The following PTPRD variants were observed in gnomAD, a reference collection of about 807,000 sequenced individuals.
PTPRD encodes the protein protein tyrosine phosphatase receptor type D.
A neutral mutation model predicts 214.5 loss-of-function variants in PTPRD; 34 were observed. That is an observed-to-expected ratio of 0.16 (90% confidence interval 0.12 to 0.21). PTPRD has a LOEUF of 0.21. PTPRD is among the 10% of genes least tolerant of loss of function. The pLI is 1.00. For synonymous variants in PTPRD, 1,128 were observed against 845.7 expected (o/e 1.33, Z -5.79); for missense variants, 2,545 against 2,398.7 (o/e 1.06, Z -1.27).
Position 8,887,702 on chromosome 9 carries a change from C to T in PTPRD, c.-104+130995G>A, listed in dbSNP as rs189059320. Among the ~76,000 whole-genome samples, 6 of 151,700 alleles carry T rather than the reference C, an allele frequency of 4.0e-5. 1 individual carries two copies. The East Asian group carries it at 1.2e-3, about 30-fold the overall frequency. ...GATGAGATTTTTACTTCAAAGGAAGCAGTAATGAAATCTACACTTGCAGAA... is the reference window on the plus strand; with the variant it reads ...GATGAGATTTTTACTTCAAAGGAAGTAGTAATGAAATCTACACTTGCAGAA... On this transcript the variant is annotated intron_variant, in intron 11 of 45. Transcript: ENST00000381196.
chr9:9,788,413 A>C (rs966943592), intron 5 of PTPRD, among the ~76,000 whole-genome samples: 2 of 151,524 alleles, frequency 1.3e-5, no homozygotes, highest in African/African-American at 4.8e-5. Flanking sequence ...TTACCCGGGC[A>C]TGGTGGCAGG....
chr9:10,493,981 T>A (rs145535420), intron 2 of PTPRD, among the ~76,000 whole-genome samples: 1 of 151,944 alleles, frequency 6.6e-6, no homozygotes, highest in Non-Finnish European at 1.5e-5. Flanking sequence ...GTATTCAACA[T>A]TAATCTTTAT....
intron 7 of PTPRD, among the ~76,000 whole-genome samples, chr9:9,695,675 G>T (rs995477751): frequency 6.6e-6 from 1 of 151,856 alleles, no homozygotes; most frequent in Non-Finnish European, 1.5e-5. Flanking sequence ...GTTTGTTCTC[G>T]GTTTTGTTAA....
intron 2 of PTPRD, among the ~76,000 whole-genome samples, chr9:10,353,752 C>A (rs925430143): frequency 6.6e-6 from 1 of 151,766 alleles, no homozygotes; most frequent in African/African-American, 2.4e-5. Context: ...ATAATTTAAA[C>A]CCTATTCATT....
At chr9:8,791,446 G>A (rs1490503899) in intron 11 of PTPRD, among the ~76,000 whole-genome samples, 14 of 150,400 alleles carry the variant, frequency 9.3e-5, no homozygotes, top group African/African-American at 2.7e-4. Context: ...GGCTGGTCTC[G>A]AACTCCTGAC....
intron 2 of PTPRD, among the ~76,000 whole-genome samples, chr9:10,576,335 G>A (rs1167324340): frequency 2.0e-5 from 3 of 152,082 alleles, no homozygotes; most frequent in African/African-American, 7.2e-5. Flanking sequence ...GAAACTTTCT[G>A]TTGCTTTTTA....
At chr9:10,207,415 T>C (rs1490477153) in intron 3 of PTPRD, among the ~76,000 whole-genome samples, 1 of 152,150 alleles carries the variant, frequency 6.6e-6, no homozygotes, top group Admixed American at 6.5e-5. Flanking sequence ...AGGTATTAAT[T>C]GGTATTAGGG....
intron 44 of PTPRD, among the ~76,000 whole-genome samples, chr9:8,320,531 T>C (rs1465018364): frequency 6.6e-6 from 1 of 151,968 alleles, no homozygotes; most frequent in Admixed American, 6.6e-5. Context: ...GATTTTCACT[T>C]AGTCTTCAGG....
intron 11 of PTPRD, among the ~76,000 whole-genome samples, chr9:9,000,479 C>T (rs541254705): frequency 6.6e-6 from 1 of 151,942 alleles, no homozygotes; most frequent in Non-Finnish European, 1.5e-5. Flanking sequence ...CTTGTTATAA[C>T]TTCACTTTAA....
At chr9:10,572,904 T>C (rs1051039145) in intron 2 of PTPRD, among the ~76,000 whole-genome samples, 1 of 152,172 alleles carries the variant, frequency 6.6e-6, no homozygotes. Context: ...TTTAAGTTTT[T>C]TTCAAGGTAG....
At chr9:9,837,806 T>C (rs896599971) in intron 5 of PTPRD, among the ~76,000 whole-genome samples, 1 of 152,134 alleles carries the variant, frequency 6.6e-6, no homozygotes, top group African/African-American at 2.4e-5. Flanking sequence ...TTAGGGTACA[T>C]GTGCACAATG....
At chr9:8,487,338 C>T (rs1198023633) in intron 27 of PTPRD, among the ~76,000 whole-genome samples, 2 of 152,092 alleles carry the variant, frequency 1.3e-5, no homozygotes, top group Non-Finnish European at 2.9e-5. Flanking sequence ...ATTATTATGT[C>T]TGTATTTATT....
intron 4 of PTPRD, among the ~76,000 whole-genome samples, chr9:9,965,687 C>T (rs1248692024): frequency 6.6e-6 from 1 of 152,122 alleles, no homozygotes; most frequent in Non-Finnish European, 1.5e-5. Context: ...GTTGAAACAT[C>T]GGCTTTTAAA....
At chr9:8,797,785 G>C (rs928651575) in intron 11 of PTPRD, among the ~76,000 whole-genome samples, 1 of 152,146 alleles carries the variant, frequency 6.6e-6, no homozygotes. Flanking sequence ...GTCCTCAAGA[G>C]TAGAGAATGT....
At chr9:10,349,014 C>T (rs747558622) in intron 2 of PTPRD, among the ~76,000 whole-genome samples, 2 of 152,096 alleles carry the variant, frequency 1.3e-5, no homozygotes, top group Non-Finnish European at 2.9e-5. Context: ...TAGGACAGAA[C>T]TCAGAGTCAT....
intron 12 of PTPRD, among the ~76,000 whole-genome samples, chr9:8,723,583 T>C (rs1262940699): frequency 4.6e-5 from 7 of 152,332 alleles, no homozygotes; most frequent in Non-Finnish European, 8.8e-5. Flanking sequence ...AAAAGTATTA[T>C]TACTTTTAAA....
intron 2 of PTPRD, among the ~76,000 whole-genome samples, chr9:10,343,201 C>T (rs957673787): frequency 6.6e-6 from 1 of 151,864 alleles, no homozygotes; most frequent in African/African-American, 2.4e-5. Flanking sequence ...TTATTCACTT[C>T]CCACCTATGA....
At chr9:8,733,547 CAGG>C (rs2098683409) in intron 12 of PTPRD, among the ~76,000 whole-genome samples, 2 of 152,010 alleles carry the variant, frequency 1.3e-5, no homozygotes, top group African/African-American at 4.8e-5. Context: ...AATAAATAAA[CAGG>C]AGGAGCAGTT....
chr9:9,777,021 G>T (rs1452864134), intron 5 of PTPRD, among the ~76,000 whole-genome samples: 1 of 152,042 alleles, frequency 6.6e-6, no homozygotes, highest in Non-Finnish European at 1.5e-5. Context: ...GGACAGTCTG[G>T]GTACCACTGA....
Sources: allele counts gnomAD v4.1 joint callset (sites outside exome capture counted in the v4.1 genomes callset), GRCh38; gene constraint gnomAD v4.1.1; transcripts MANE v1.5; gene names NCBI Gene and HGNC (gene_info 2026-07-23, HGNC 2026-07-21).